The following MINDY2 variants were observed in gnomAD, a reference collection of about 807,000 sequenced individuals.
MINDY2 encodes ubiquitin carboxyl-terminal hydrolase MINDY-2.
In MINDY2, 52 loss-of-function variants were observed where a neutral mutation model predicts 68.2. That is an observed-to-expected ratio of 0.76 (90% CI 0.61 to 0.96). The LOEUF is 0.96. Among genes scored for constraint, MINDY2 ranks in the 40% least tolerant of loss-of-function variants. The probability of loss-of-function intolerance (pLI) is 0.00; values close to 1 mark genes in which losing one functional copy is unlikely to be tolerated. For synonymous variants in MINDY2, 372 were observed against 303.0 expected (o/e 1.23, Z -2.36); for missense variants, 881 against 773.4 (o/e 1.14, Z -1.65).
chr15:58,823,784 G>A (rs112337987), intron 5 of MINDY2, among the ~76,000 whole-genome samples: 6 of 152,150 alleles, frequency 3.9e-5, no homozygotes, highest in African/African-American at 1.4e-4. Flanking sequence ...AGAGAAAGAA[G>A]CAATAAAAAC....
At chr15:58,845,407 A>G (rs544920573) in intron 6 of MINDY2, among the ~76,000 whole-genome samples, 1 of 152,318 alleles carries the variant, frequency 6.6e-6, no homozygotes, top group East Asian at 1.9e-4. Context: ...CTCCATCTTA[A>G]AGAAAAAAGA....
At chr15:58,830,890 T>A (rs1309286023) in intron 5 of MINDY2, among the ~76,000 whole-genome samples, 3 of 152,042 alleles carry the variant, frequency 2.0e-5, no homozygotes, top group Non-Finnish European at 4.4e-5. Context: ...AGTCTTCACA[T>A]GTCCACAAAC....
chr15:58,786,882 T>A (rs1901539455), intron 1 of MINDY2, among the ~76,000 whole-genome samples: 1 of 152,168 alleles, frequency 6.6e-6, no homozygotes. Context: ...CAGGCTGGAG[T>A]GCAATGGTGC....
At chr15:58,838,107 T>G (rs2141034825) in intron 6 of MINDY2, among the ~76,000 whole-genome samples, 1 of 151,950 alleles carries the variant, frequency 6.6e-6, no homozygotes, top group East Asian at 1.9e-4. Context: ...AAGATATACT[T>G]TCAGGCCAGG....
chr15:58,777,725 A>G (rs1363193300), intron 1 of MINDY2, among the ~76,000 whole-genome samples: 2 of 152,160 alleles, frequency 1.3e-5, no homozygotes, highest in African/African-American at 4.8e-5. Context: ...TTCGAGCTCA[A>G]ATTTGTAATT....
chr15:58,787,915 C>A lies in MINDY2; in HGVS notation c.850C>A (p.Pro284Thr). The A allele has an allele frequency of 6.3e-7, 1 of 1,594,420 alleles. No homozygotes were observed. Among genetic ancestry groups the A allele is most frequent in the South Asian group, 1.2e-5 (1 of 86,682 alleles). Residue 284 changes from proline to threonine, a missense_variant, in exon 2 of 9, where the codon CCA becomes ACA. Transcript: ENST00000559228. ...VLLLAWKVKL[P>T]PMMEIITAEQ... ...ATATTTTGTTTTTCAGGTGAAACTT[C>A]CACCGATGATGGAAATCATAACTGC... is the stretch of plus-strand genomic sequence containing the variant.
intron 3 of MINDY2, among the ~76,000 whole-genome samples, chr15:58,808,921 A>C (rs1172280359): frequency 7.9e-5 from 12 of 152,158 alleles, no homozygotes; most frequent in African/African-American, 2.9e-4. Context: ...CATCTTTAAA[A>C]CTGAAACTTG....
At chr15:58,803,025 G>A (rs566447453) in intron 3 of MINDY2, among the ~76,000 whole-genome samples, 8 of 152,306 alleles carry the variant, frequency 5.3e-5, no homozygotes, top group South Asian at 2.1e-4. Context: ...AAGAGACATC[G>A]TTGGAACCTT....
intron 2 of MINDY2, among the ~76,000 whole-genome samples, chr15:58,791,979 G>A (rs1208391396): frequency 1.3e-5 from 2 of 152,034 alleles, no homozygotes; most frequent in East Asian, 3.9e-4. Flanking sequence ...TCCTAGAATC[G>A]TAATGAAGAA....
In MINDY2 at chr15:58,856,403, G is replaced by A. The variant is rs1268233079; in HGVS notation, c.*1793G>A. ...TAAAAATAGAGTCTTATTTATGGAA[G>A]GAATTATTCTAAGGGAAAAATCCAG... On this transcript the variant is annotated 3_prime_UTR_variant, in exon 9 of 9. Coordinates refer to ENST00000559228, the MANE Select transcript of MINDY2 (RefSeq NM_001040450.3). 6.6e-6 allele frequency: 1 copy of A among 152,542 alleles called. No individual in the cohort carries two copies. The highest frequency in any genetic ancestry group is 2.4e-5 in the African/African-American group (1 of 41,412). 9.4% of individuals were successfully genotyped at this position (152,542 alleles called of 1,614,324 possible). A position where few individuals can be genotyped will look rare whatever the true frequency, so the allele number is the denominator to read the frequency against.
At chr15:58,844,231 C>A (rs986849313) in intron 6 of MINDY2, among the ~76,000 whole-genome samples, 1 of 152,128 alleles carries the variant, frequency 6.6e-6, no homozygotes, top group South Asian at 2.1e-4. Context: ...GCTATACTTA[C>A]ATAAAGGAAC....
chr15:58,806,467 C>T (rs1318248092), intron 3 of MINDY2, among the ~76,000 whole-genome samples: 1 of 151,250 alleles, frequency 6.6e-6, no homozygotes, highest in Non-Finnish European at 1.5e-5. Flanking sequence ...AAGTGATCTG[C>T]TCACTTCAGC....
Position 58,771,320 on chromosome 15 carries a change from G to T in MINDY2, c.-76G>T. The T allele has an allele frequency of 2.0e-6, 3 of 1,536,090 alleles. No homozygotes were observed. Among genetic ancestry groups the T allele is most frequent in the Non-Finnish European group, 2.6e-6 (3 of 1,144,448 alleles). ...CCAGGGCGCTGTTGCTGCCAATACA[G>T]CTGTCATGGCGTCCAAGGCGCTGGC... On this transcript the variant is annotated 5_prime_UTR_variant, in exon 1 of 9. Transcript: ENST00000559228.
Position 58,855,274 on chromosome 15 carries a change from T to C in MINDY2, c.*664T>C, listed in dbSNP as rs1595791636. ...TCTTTTCCAATAGCAAAAAGTTACA[T>C]AACACTAATACTTATAACCTATCAA... On this transcript the variant is annotated 3_prime_UTR_variant, in exon 9 of 9. Transcript: ENST00000559228. 6.5e-6 allele frequency: 1 copy of C among 152,758 alleles called. No individual in the cohort carries two copies. Among genetic ancestry groups the C allele is most frequent in the East Asian group, 1.9e-4 (1 of 5,190 alleles). The allele number at this position is 152,758 out of a possible 1,614,324, so 9.5% of individuals were successfully genotyped here. A position where few individuals can be genotyped will look rare whatever the true frequency, so the allele number is the denominator to read the frequency against.
chr15:58,782,980 C>A (rs535075598), intron 1 of MINDY2, among the ~76,000 whole-genome samples: 2 of 115,154 alleles, frequency 1.7e-5, no homozygotes, highest in African/African-American at 3.3e-5. Flanking sequence ...AGTGCAGTGG[C>A]GTGATCTTTA....
At chr15:58,844,545 G>T (rs1401132499) in intron 6 of MINDY2, among the ~76,000 whole-genome samples, 2 of 130,368 alleles carry the variant, frequency 1.5e-5, no homozygotes, top group African/African-American at 5.8e-5. Flanking sequence ...GGGCGACAGA[G>T]CGAGACTCCG....
intron 1 of MINDY2, among the ~76,000 whole-genome samples, chr15:58,776,656 GAAC>G (rs1415079793): frequency 6.6e-6 from 1 of 152,104 alleles, no homozygotes; most frequent in East Asian, 1.9e-4. Flanking sequence ...TAGAGGAAAG[GAAC>G]AACAACCGTA....
In MINDY2 at chr15:58,771,795, G is replaced by C; in HGVS notation, c.400G>C (p.Asp134His). 6.2e-7 allele frequency: 1 copy of C among 1,609,972 alleles called. No individual in the cohort carries two copies. The highest frequency in any genetic ancestry group is 8.5e-7 in the Non-Finnish European group (1 of 1,178,918). ...CGCCGGAGACGCGGGAGCCCGCCCG[G>C]ATCTCGCCGGCACCTGCCAAGCAGA... Reference protein sequence around the residue: ...GTAGDAGARPDLAGTCQAELT... With the variant: ...GTAGDAGARPHLAGTCQAELT... Residue 134 changes from aspartate to histidine, a missense_variant, in exon 1 of 9, where the codon GAT (aspartate) becomes CAT (histidine). Physicochemically the swap from Asp to His is moderately conservative, Grantham distance 81 (BLOSUM62 -1). Transcript: ENST00000559228.
chr15:58,788,000 A>G, intron 2 of MINDY2, 37 bp downstream of exon 2: 1 of 1,475,932 alleles, frequency 6.8e-7, no homozygotes, highest in Non-Finnish European at 9.2e-7. Flanking sequence ...TCTCTTTCAA[A>G]ACAAAAGTTT....
Sources: allele counts gnomAD v4.1 joint callset (sites outside exome capture counted in the v4.1 genomes callset), GRCh38; gene constraint gnomAD v4.1.1; transcripts MANE v1.5; gene names NCBI Gene and HGNC (gene_info 2026-07-23, HGNC 2026-07-21).